Variants in MAGI2 observed in about 807,000 individuals in gnomAD.
The protein encoded by MAGI2 is membrane associated guanylate kinase, WW and PDZ domain containing 2, also known as membrane-associated guanylate kinase, WW and PDZ domain-containing protein 2.
MAGI2 carries 35 observed loss-of-function variants against 133.3 expected under a neutral mutation model. The ratio of observed to expected loss-of-function variants is 0.26; its 90% CI spans 0.20 to 0.35. The LOEUF (loss-of-function observed/expected upper bound fraction) is 0.35, where lower values mean the gene tolerates loss of function less well. Ranked by LOEUF, MAGI2 falls within the 10% of genes least tolerant of loss-of-function variation. MAGI2 has a pLI of 1.00. For synonymous variants in MAGI2, 729 were observed against 710.6 expected, an observed-to-expected ratio of 1.03 and a Z score of -0.41; for missense variants, 1,636 against 1,863.4, an observed-to-expected ratio of 0.88 and a Z score of 2.25.
chr7:79,203,284 T>A (rs1222384149), intron 1 of MAGI2, among the ~76,000 whole-genome samples: 1 of 152,032 alleles, frequency 6.6e-6, no homozygotes, highest in Non-Finnish European at 1.5e-5. Context: ...AATAGAGTGA[T>A]CTTTTCTAAA....
At chr7:79,180,808 C>T (rs1024595402) in intron 1 of MAGI2, among the ~76,000 whole-genome samples, 9 of 151,992 alleles carry the variant, frequency 5.9e-5, no homozygotes, top group Admixed American at 2.0e-4. Flanking sequence ...GAGTTAGTTA[C>T]TTCCTAGATA....
chr7:78,519,619 T>A (rs11982281), intron 4 of MAGI2, among the ~76,000 whole-genome samples: 8,473 of 152,208 alleles, frequency 0.056, 433 homozygotes, highest in African/African-American at 0.13. Flanking sequence ...AAGCACATCA[T>A]CCTTATGCAT....
At chr7:78,246,421 G>C (rs1248435664) in intron 10 of MAGI2, among the ~76,000 whole-genome samples, 1 of 152,090 alleles carries the variant, frequency 6.6e-6, no homozygotes, top group Non-Finnish European at 1.5e-5. Context: ...TGCATCCCTG[G>C]GCTGAGCTGA....
intron 1 of MAGI2, among the ~76,000 whole-genome samples, chr7:79,057,314 A>G (rs776675417): frequency 6.6e-6 from 1 of 152,186 alleles, no homozygotes; most frequent in Non-Finnish European, 1.5e-5. Flanking sequence ...GGTTGTTTTT[A>G]AAACACTGAC....
intron 6 of MAGI2, among the ~76,000 whole-genome samples, chr7:78,416,988 G>A (rs1194121231): frequency 6.6e-6 from 1 of 152,056 alleles, no homozygotes; most frequent in Non-Finnish European, 1.5e-5. Flanking sequence ...TGTTATAATA[G>A]CATGAATGGA....
intron 6 of MAGI2, among the ~76,000 whole-genome samples, chr7:78,432,376 G>A (rs1459448624): frequency 6.6e-6 from 1 of 152,002 alleles, no homozygotes; most frequent in East Asian, 1.9e-4. Flanking sequence ...TCAGATTGTA[G>A]TTCTAACCGT....
intron 1 of MAGI2, among the ~76,000 whole-genome samples, chr7:79,117,808 C>T (rs895159251): frequency 2.0e-5 from 3 of 152,252 alleles, no homozygotes; most frequent in South Asian, 2.1e-4. Context: ...TTTAACAATA[C>T]TATAATGTAC....
Position 78,377,689 on chromosome 7 carries a change from C to T in MAGI2, c.1046-8476G>A, listed in dbSNP as rs552541479. ...AAAAAATAAAAATAAAAAAGGCATC[C>T]ACTGAGGAATCTGTACTTCATGAAA... On this transcript the variant is annotated intron_variant, in intron 6 of 21. Transcript: ENST00000354212. Among the ~76,000 whole-genome samples the T allele has an allele frequency of 2.3e-3, 345 of 151,466 alleles. 3 individuals are homozygous for T. The highest frequency in any genetic ancestry group is 8.0e-3 in the African/African-American group (330 of 41,388).
chr7:78,272,963 A>G (rs548563452), intron 9 of MAGI2, among the ~76,000 whole-genome samples: 27 of 152,178 alleles, frequency 1.8e-4, no homozygotes, highest in Non-Finnish European at 3.1e-4. Context: ...ATTGTTATGT[A>G]TGAATTTGAT....
At chr7:78,127,086 T>G (rs2150514437) in intron 19 of MAGI2, 111 bp downstream of exon 19, 1 of 815,062 alleles carries the variant, frequency 1.2e-6, no homozygotes, top group East Asian at 2.7e-5. Flanking sequence ...GGAATAGAAC[T>G]TCAGCTCTCC....
At chr7:78,225,550 AAAATGTTTTGAG>A (rs746100922) in intron 10 of MAGI2, among the ~76,000 whole-genome samples, 23 of 152,074 alleles carry the variant, frequency 1.5e-4, no homozygotes, top group Non-Finnish European at 2.9e-4. Flanking sequence ...TTTTACCAGA[AAAATGTTTTGAG>A]CACTTACTAT....
intron 20 of MAGI2, among the ~76,000 whole-genome samples, chr7:78,079,748 C>T (rs917003359): frequency 2.6e-5 from 4 of 152,170 alleles, no homozygotes; most frequent in Non-Finnish European, 4.4e-5. Flanking sequence ...CACTTGATTG[C>T]CAGAAGCTGT....
intron 3 of MAGI2, among the ~76,000 whole-genome samples, chr7:78,595,514 G>A (rs1321143789): frequency 6.6e-6 from 1 of 152,150 alleles, no homozygotes; most frequent in Non-Finnish European, 1.5e-5. Context: ...TAAAGAACAA[G>A]TTTCAGAGAT....
chr7:78,147,225 A>G (rs185014342), intron 16 of MAGI2, among the ~76,000 whole-genome samples: 6 of 152,310 alleles, frequency 3.9e-5, no homozygotes, highest in African/African-American at 1.2e-4. Context: ...AGTGTTCAGG[A>G]GCTAGAAGAT....
At chr7:79,055,809 C>T (rs1009629391) in intron 1 of MAGI2, among the ~76,000 whole-genome samples, 1 of 152,066 alleles carries the variant, frequency 6.6e-6, no homozygotes, top group Non-Finnish European at 1.5e-5. Flanking sequence ...TTCTGTTTCC[C>T]TATGTTTATA....
intron 2 of MAGI2, among the ~76,000 whole-genome samples, chr7:78,981,540 G>T (rs1245923351): frequency 1.3e-5 from 2 of 150,674 alleles, no homozygotes; most frequent in African/African-American, 2.4e-5. Flanking sequence ...ATTAATTTAA[G>T]CATAATCATT....
At chr7:78,265,052 C>T (rs924534239) in intron 9 of MAGI2, among the ~76,000 whole-genome samples, 4 of 151,914 alleles carry the variant, frequency 2.6e-5, no homozygotes, top group African/African-American at 9.7e-5. Context: ...ATCTGTGTGA[C>T]CCAGTGCAGA....
chr7:79,374,030 CAT>C (rs1189451109), intron 1 of MAGI2, among the ~76,000 whole-genome samples: 2 of 151,926 alleles, frequency 1.3e-5, no homozygotes, highest in African/African-American at 4.8e-5. Context: ...CTCTTCAAGA[CAT>C]ATAACTAGGT....
At chr7:78,788,148 G>A in intron 2 of MAGI2, among the ~76,000 whole-genome samples, 1 of 152,042 alleles carries the variant, frequency 6.6e-6, no homozygotes, top group South Asian at 2.1e-4. Context: ...TGCTTCTTGG[G>A]GTCCAATCAC....
Sources: allele counts gnomAD v4.1 joint callset (sites outside exome capture counted in the v4.1 genomes callset), GRCh38; gene constraint gnomAD v4.1.1; transcripts MANE v1.5; gene names NCBI Gene and HGNC (gene_info 2026-07-23, HGNC 2026-07-21).